Variants in CNTNAP2 observed in about 807,000 individuals in gnomAD.
CNTNAP2 encodes the protein contactin-associated protein-like 2.
CNTNAP2 carries 98 observed loss-of-function variants against 155.2 expected under a neutral mutation model. The ratio of observed to expected loss-of-function variants is 0.63; its 90% confidence interval spans 0.54 to 0.75. The LOEUF (loss-of-function observed/expected upper bound fraction) is 0.75, where lower values mean the gene tolerates loss of function less well. CNTNAP2 is among the 30% of genes least tolerant of loss of function. The probability of loss-of-function intolerance (pLI) is 0.00; values close to 1 mark genes in which losing one functional copy is unlikely to be tolerated. For missense variants in CNTNAP2, 1,727 were observed against 1,688.1 expected (o/e 1.02, Z -0.40); for synonymous variants, 651 against 631.2 (o/e 1.03, Z -0.47).
chr7:146,986,457 A>T (rs1364007271), intron 3 of CNTNAP2, among the ~76,000 whole-genome samples: 1 of 152,188 alleles, frequency 6.6e-6, no homozygotes, highest in African/African-American at 2.4e-5. Flanking sequence ...TTGTGATGCT[A>T]TAAACATTTT....
chr7:146,561,718 T>C (rs1291214247), intron 1 of CNTNAP2, among the ~76,000 whole-genome samples: 1 of 152,190 alleles, frequency 6.6e-6, no homozygotes, highest in African/African-American at 2.4e-5. Context: ...CAGTCAATGA[T>C]ACTAGTGGTG....
chr7:148,182,882 T>C (rs1214526814), intron 18 of CNTNAP2, among the ~76,000 whole-genome samples: 1 of 152,226 alleles, frequency 6.6e-6, no homozygotes, highest in Non-Finnish European at 1.5e-5. Context: ...CCAAGGGATA[T>C]GTTTACTAAA....
chr7:146,811,156 T>C (rs75330586), intron 2 of CNTNAP2, among the ~76,000 whole-genome samples: 22 of 152,322 alleles, frequency 1.4e-4, no homozygotes, highest in Non-Finnish European at 2.1e-4. Flanking sequence ...AAAAATTACA[T>C]TGGAAGTGTT....
At chr7:147,753,128 G>A (rs1328992590) in intron 13 of CNTNAP2, among the ~76,000 whole-genome samples, 1 of 152,154 alleles carries the variant, frequency 6.6e-6, no homozygotes, top group Non-Finnish European at 1.5e-5. Flanking sequence ...TCTCTTCTGT[G>A]ATTTGAACCT....
At chr7:147,415,791 G>A (rs377478334) in intron 10 of CNTNAP2, among the ~76,000 whole-genome samples, 69 of 152,128 alleles carry the variant, frequency 4.5e-4, no homozygotes, top group African/African-American at 1.3e-3. Flanking sequence ...ATCATTTGCC[G>A]TTAAACCGGG....
chr7:146,890,166 G>C (rs1172817297), intron 3 of CNTNAP2, among the ~76,000 whole-genome samples: 1 of 152,124 alleles, frequency 6.6e-6, no homozygotes, highest in Non-Finnish European at 1.5e-5. Flanking sequence ...TAAAAAGTGG[G>C]AAAATGTATT....
chr7:146,577,858 G>A (rs1210983000), intron 1 of CNTNAP2, among the ~76,000 whole-genome samples: 3 of 152,164 alleles, frequency 2.0e-5, no homozygotes, highest in Admixed American at 2.0e-4. Flanking sequence ...AAAGTGAAGA[G>A]TTTGAAAAGT....
At chr7:146,731,186 C>T (rs768263701) in intron 1 of CNTNAP2, among the ~76,000 whole-genome samples, 11 of 152,014 alleles carry the variant, frequency 7.2e-5, no homozygotes, top group Admixed American at 3.3e-4. Flanking sequence ...CCAGATTGTA[C>T]GAGTGCCTCA....
At chr7:147,764,947 C>G (rs960843026) in intron 13 of CNTNAP2, among the ~76,000 whole-genome samples, 38 of 152,146 alleles carry the variant, frequency 2.5e-4, no homozygotes, top group African/African-American at 7.7e-4. Context: ...AACATAGAGC[C>G]CTCTTTTGTG....
chr7:146,989,756 A>G lies in CNTNAP2; in HGVS notation c.403-54151A>G, dbSNP rs532372318. On this transcript the variant is annotated intron_variant, in intron 3 of 23. Transcript: ENST00000361727. ...TTCAACCTCATGAAATGCTTCCATG[A>G]GCCCATAATTAGCCCGTTTAGTAAC... Among the ~76,000 whole-genome samples, 3 of 152,192 alleles carry G rather than the reference A, an allele frequency of 2.0e-5. No homozygotes were observed. In the East Asian group the frequency reaches 5.8e-4, roughly 30 times the overall value.
intron 3 of CNTNAP2, among the ~76,000 whole-genome samples, chr7:146,931,197 C>T (rs1449744525): frequency 1.3e-5 from 2 of 152,036 alleles, no homozygotes; most frequent in Admixed American, 6.6e-5. Flanking sequence ...TAAAGCTCTC[C>T]TCAGCAAATG....
chr7:146,778,510 A>G (rs10231705), intron 2 of CNTNAP2, among the ~76,000 whole-genome samples: 6,586 of 152,156 alleles, frequency 0.043, 493 homozygotes, highest in African/African-American at 0.14. Context: ...TATTCCTGTG[A>G]TCTGTGTTCT....
chr7:146,948,056 C>G (rs1797228658), intron 3 of CNTNAP2, among the ~76,000 whole-genome samples: 1 of 151,888 alleles, frequency 6.6e-6, no homozygotes, highest in Non-Finnish European at 1.5e-5. Flanking sequence ...TGTATTTTGT[C>G]AAATGAGCAA....
rs144704566 is a variant in CNTNAP2, at chr7:147,271,762, C to T, written c.1349-28379C>T. On this transcript the variant is annotated intron_variant, in intron 8 of 23. Transcript: ENST00000361727. ...TAGGGGAACCACCCCCATGATTCAG[C>T]GATCTCCTACCGGGTGCCTCCTATA... is the stretch of plus-strand genomic sequence containing the variant. Among the ~76,000 whole-genome samples, 1,238 of 152,214 alleles carry T rather than the reference C, an allele frequency of 8.1e-3. 7 individuals carry two copies. Among genetic ancestry groups the T allele is most frequent in the Middle Eastern group, 0.017 (5 of 292 alleles).
At chr7:148,413,525 T>C (rs1799904172) in intron 23 of CNTNAP2, among the ~76,000 whole-genome samples, 1 of 147,982 alleles carries the variant, frequency 6.8e-6, no homozygotes, top group Admixed American at 6.7e-5. Flanking sequence ...AATTGAGTAG[T>C]GTTTTCTCCT....
At chr7:147,117,982 G>A (rs1801023231) in intron 5 of CNTNAP2, among the ~76,000 whole-genome samples, 1 of 151,942 alleles carries the variant, frequency 6.6e-6, no homozygotes, top group Admixed American at 6.6e-5. Context: ...AAATACAAAT[G>A]TCAAATATAC....
chr7:147,655,566 T>C (rs904760138), intron 13 of CNTNAP2, among the ~76,000 whole-genome samples: 3 of 152,230 alleles, frequency 2.0e-5, no homozygotes, highest in Non-Finnish European at 4.4e-5. Context: ...GCATTGTCAA[T>C]GAGCAGTAAT....
intron 3 of CNTNAP2, among the ~76,000 whole-genome samples, chr7:147,033,160 G>GTATGTA (rs1799070080): frequency 5.5e-5 from 5 of 90,836 alleles, no homozygotes; most frequent in Admixed American, 1.5e-4. Flanking sequence ...ATATATATAT[G>GTATGTA]TATATATATA....
chr7:146,475,013 G>GCGCGCACACA (rs71525954), intron 1 of CNTNAP2, among the ~76,000 whole-genome samples: 48 of 144,380 alleles, frequency 3.3e-4, no homozygotes, highest in Middle Eastern at 7.3e-3. Context: ...GCGCGCGCGC[G>GCGCGCACACA]CACACACACA....
Sources: allele counts gnomAD v4.1 joint callset (sites outside exome capture counted in the v4.1 genomes callset), GRCh38; gene constraint gnomAD v4.1.1; transcripts MANE v1.5; gene names NCBI Gene and HGNC (gene_info 2026-07-23, HGNC 2026-07-21).